Variants in NAALADL2 observed in about 807,000 individuals in gnomAD.
The protein encoded by NAALADL2 is N-acetylated alpha-linked acidic dipeptidase like 2, also known as inactive N-acetylated-alpha-linked acidic dipeptidase-like protein 2.
A neutral mutation model predicts 87.2 loss-of-function variants in NAALADL2; 76 were observed. The ratio of observed to expected loss-of-function variants is 0.87; its 90% CI spans 0.72 to 1.05. The LOEUF (loss-of-function observed/expected upper bound fraction) is 1.05, where lower values mean the gene tolerates loss of function less well. Ranked by LOEUF, NAALADL2 falls within the 50% of genes least tolerant of loss-of-function variation. The pLI is 0.00. For missense variants in NAALADL2, 1,089 were observed against 945.8 expected (o/e 1.15, Z -1.99); for synonymous variants, 354 against 331.0 (o/e 1.07, Z -0.75).
chr3:174,537,739 T>C (rs1370068377), intron 1 of NAALADL2, among the ~76,000 whole-genome samples: 3 of 152,090 alleles, frequency 2.0e-5, no homozygotes, highest in Non-Finnish European at 2.9e-5. Context: ...AAGGGACAGA[T>C]TGTGAATGTC....
intron 1 of NAALADL2, among the ~76,000 whole-genome samples, chr3:174,525,166 C>T (rs994750309): frequency 6.6e-6 from 1 of 152,178 alleles, no homozygotes; most frequent in South Asian, 2.1e-4. Context: ...CAACACATGA[C>T]TGTAATTGGA....
intron 5 of NAALADL2, among the ~76,000 whole-genome samples, chr3:175,372,420 A>AT (rs1428134064): frequency 3.3e-5 from 5 of 152,198 alleles, no homozygotes; most frequent in East Asian, 1.9e-4. Context: ...TTCTCTAAAT[A>AT]TTTTTCTCAC....
At chr3:174,758,047 A>G (rs1427617523) in intron 3 of NAALADL2, among the ~76,000 whole-genome samples, 1 of 152,214 alleles carries the variant, frequency 6.6e-6, no homozygotes, top group Non-Finnish European at 1.5e-5. Context: ...GAGAGTTACC[A>G]ACACTATTCT....
chr3:175,335,630 G>A (rs79283365), intron 5 of NAALADL2, among the ~76,000 whole-genome samples: 3,684 of 152,192 alleles, frequency 0.024, 136 homozygotes, highest in African/African-American at 0.085. Flanking sequence ...AATAAATCTT[G>A]TAATGCCACT....
intron 2 of NAALADL2, among the ~76,000 whole-genome samples, chr3:174,704,086 G>A (rs1442076329): frequency 2.0e-5 from 3 of 152,162 alleles, no homozygotes; most frequent in African/African-American, 7.2e-5. Flanking sequence ...AGATACGGAA[G>A]CTTTAAGATG....
chr3:175,737,727 T>G lies in NAALADL2; in HGVS notation c.1990+328T>G, dbSNP rs868540442. Among the ~76,000 whole-genome samples, 611 of 141,242 alleles carry G rather than the reference T, an allele frequency of 4.3e-3. 9 individuals carry two copies. Among genetic ancestry groups the G allele is most frequent in the African/African-American group, 0.016 (583 of 37,060 alleles). 92.7% of individuals were successfully genotyped at this position (141,242 alleles called of 152,430 possible). A position where few individuals can be genotyped will look rare whatever the true frequency, so the allele number is the denominator to read the frequency against. On this transcript the variant is annotated intron_variant, in intron 12 of 13. Transcript: ENST00000454872. The stretch of plus-strand genomic sequence containing the variant: ...TTCAATGATCCAGTTTTTTTTTTTT[T>G]TTTTTTTTTTTTTTTTTAACATTCT...
intron 11 of NAALADL2, among the ~76,000 whole-genome samples, chr3:175,724,213 A>C (rs1195994465): frequency 6.6e-6 from 1 of 152,142 alleles, no homozygotes; most frequent in East Asian, 1.9e-4. Context: ...AAAGATACTA[A>C]AATTCTTGAA....
intron 1 of NAALADL2, among the ~76,000 whole-genome samples, chr3:174,947,608 A>C (rs966582443): frequency 1.3e-5 from 2 of 152,106 alleles, no homozygotes; most frequent in Admixed American, 6.6e-5. Context: ...CTTCTTTATA[A>C]ATTTATTATT....
intron 3 of NAALADL2, among the ~76,000 whole-genome samples, chr3:174,786,381 G>A (rs1271820295): frequency 2.0e-5 from 3 of 149,252 alleles, no homozygotes; most frequent in Non-Finnish European, 3.0e-5. Context: ...AACCCAGGAG[G>A]TGGAGGTTGC....
chr3:175,515,415 T>A (rs1731697363), intron 9 of NAALADL2, among the ~76,000 whole-genome samples: 2 of 152,178 alleles, frequency 1.3e-5, no homozygotes, highest in South Asian at 4.1e-4. Flanking sequence ...TAGAGGCTGA[T>A]GTTTTGATGA....
At chr3:175,410,866 G>T (rs554162854) in intron 5 of NAALADL2, among the ~76,000 whole-genome samples, 2 of 152,150 alleles carry the variant, frequency 1.3e-5, no homozygotes, top group Admixed American at 6.5e-5. Context: ...GTGGACAGAC[G>T]CCCTCTTTTT....
chr3:175,609,903 A>G (rs1724375361), intron 10 of NAALADL2, among the ~76,000 whole-genome samples: 1 of 152,120 alleles, frequency 6.6e-6, no homozygotes, highest in Admixed American at 6.5e-5. Flanking sequence ...CCAGTCTCTC[A>G]AAGTCTATCC....
rs180816814 is a variant in NAALADL2, at chr3:175,422,866, T to C, written c.1091-24363T>C. Among the ~76,000 whole-genome samples the C allele has an allele frequency of 2.3e-3, 352 of 151,756 alleles. 5 individuals are homozygous for C. Among genetic ancestry groups the C allele is most frequent in the Non-Finnish European group, 2.9e-4 (20 of 67,912 alleles). On this transcript the variant is annotated intron_variant, in intron 5 of 13. Transcript: ENST00000454872. ...GCCTTTATCCAAAGGAAAAATACGTTTCTCATAACTTTATGACAGGAGATA... is the reference window on the plus strand; with the variant it reads ...GCCTTTATCCAAAGGAAAAATACGTCTCTCATAACTTTATGACAGGAGATA...
chr3:174,995,783 A>C (rs1317533689), intron 1 of NAALADL2, among the ~76,000 whole-genome samples: 1 of 147,082 alleles, frequency 6.8e-6, no homozygotes, highest in African/African-American at 2.6e-5. Context: ...TTACGCTATT[A>C]CTGAAAAAAA....
At chr3:175,286,776 G>A (rs1274879092) in intron 4 of NAALADL2, among the ~76,000 whole-genome samples, 1 of 151,886 alleles carries the variant, frequency 6.6e-6, no homozygotes, top group Non-Finnish European at 1.5e-5. Context: ...AACATTTATT[G>A]CATGTAAAAT....
chr3:175,381,018 C>CT (rs1265056455), intron 5 of NAALADL2, among the ~76,000 whole-genome samples: 1 of 150,832 alleles, frequency 6.6e-6, no homozygotes, highest in Admixed American at 6.6e-5. Context: ...GAATATGTCT[C>CT]TTTTTTAACA....
At chr3:175,361,148 T>A (rs1321690205) in intron 5 of NAALADL2, among the ~76,000 whole-genome samples, 1 of 152,066 alleles carries the variant, frequency 6.6e-6, no homozygotes, top group Non-Finnish European at 1.5e-5. Flanking sequence ...GGTAGTTTGC[T>A]CAGAATGATG....
chr3:175,591,500 G>A (rs1014170580), intron 10 of NAALADL2, among the ~76,000 whole-genome samples: 20 of 151,776 alleles, frequency 1.3e-4, no homozygotes, highest in Non-Finnish European at 7.4e-5. Context: ...GTTTAATTGA[G>A]CACAAACAAT....
At chr3:174,456,519 A>T (rs773154365) in intron 1 of NAALADL2, among the ~76,000 whole-genome samples, 1 of 151,998 alleles carries the variant, frequency 6.6e-6, no homozygotes, top group Non-Finnish European at 1.5e-5. Flanking sequence ...ACAAACCCAG[A>T]CACATAGACT....
Sources: gnomAD v4.1 joint callset for allele counts (sites outside exome capture counted in the v4.1 genomes callset) on GRCh38, gnomAD v4.1.1 for gene constraint, MANE v1.5 for transcripts, NCBI Gene and HGNC (gene_info 2026-07-23, HGNC 2026-07-21) for gene names.